Variants in NIBAN1 observed in about 807,000 individuals in gnomAD.
NIBAN1 encodes niban apoptosis regulator 1.
NIBAN1 carries 81 observed loss-of-function variants against 75.1 expected under a neutral mutation model. The ratio of observed to expected loss-of-function variants is 1.08; its 90% CI spans 0.90 to 1.30. The LOEUF is 1.30. Ranked by LOEUF, NIBAN1 falls within the 50% of genes most tolerant of loss-of-function variation. NIBAN1 has a pLI of 0.00. For synonymous variants in NIBAN1, 436 were observed against 424.8 expected (o/e 1.03, Z -0.32); for missense variants, 1,133 against 1,128.1 (o/e 1.00, Z -0.06).
intron 1 of NIBAN1, among the ~76,000 whole-genome samples, chr1:184,925,785 TGTC>T (rs1657666601): frequency 6.6e-6 from 1 of 152,224 alleles, no homozygotes; most frequent in African/African-American, 2.4e-5. Flanking sequence ...CTTATTGTAT[TGTC>T]TATGTGTTGA....
In NIBAN1 at chr1:184,795,487, G is replaced by T. The variant is rs569878628; in HGVS notation, c.2277C>A (p.His759Gln). Residue 759 changes from histidine to glutamine, a missense_variant, in exon 14 of 14, where the codon CAC becomes CAA. Coordinates refer to ENST00000367511, the MANE Select transcript of NIBAN1 (RefSeq NM_052966.4). The stretch of plus-strand genomic sequence containing the variant: ...CTTCACTTTCTTCACAGTTGTCGGG[G>T]TGGATGGCAGCTGCCTGACTGGGCT... ...EKEPSQAAAI[H>Q]PDNCEESEVS... 2 of 1,613,180 alleles carry T rather than the reference G, an allele frequency of 1.2e-6. No homozygotes were observed. Among genetic ancestry groups the T allele is most frequent in the Non-Finnish European group, 1.7e-6 (2 of 1,179,678 alleles).
chr1:184,818,753 T>A lies in NIBAN1; in HGVS notation c.1058A>T (p.Glu353Val), dbSNP rs751603593. 28 of 1,612,892 alleles carry A rather than the reference T, an allele frequency of 1.7e-5. 1 individual carries two copies. In the South Asian group the frequency reaches 3.0e-4, roughly 17 times the overall value. The stretch of plus-strand genomic sequence containing the variant: ...TCCCGAGCTCACTGGTCCCATGAGC[T>A]CCTCCAGGATGGATGCCAGGAATGG... ...VQPFLASILEELMGPVSSGFS... is the reference protein window; with the variant it reads ...VQPFLASILEVLMGPVSSGFS... The change falls in exon 9 of 14, where the codon GAG (glutamate) becomes GTG (valine). Residue 353 changes from glutamate (E) to valine (V), a missense_variant. Transcript: ENST00000367511.
At chr1:184,883,650 A>G (rs961106385) in intron 5 of NIBAN1, among the ~76,000 whole-genome samples, 2 of 152,174 alleles carry the variant, frequency 1.3e-5, no homozygotes, top group Non-Finnish European at 2.9e-5. Flanking sequence ...ACACCACCCC[A>G]AGGGTGGTTC....
At position 184,884,674 on chromosome 1, in the gene NIBAN1, A is replaced by G; in HGVS notation, c.560T>C (p.Phe187Ser). 2.5e-6 allele frequency: 4 copies of G among 1,614,140 alleles called. No individual in the cohort carries two copies. In the South Asian group the frequency reaches 3.3e-5, roughly 13 times the overall value. ...GACGCAGTCACTCAGGAGGGCACTAAACCTCTTCTGGTCAGCAGCCTCGTG... is the reference window on the plus strand; with the variant it reads ...GACGCAGTCACTCAGGAGGGCACTAGACCTCTTCTGGTCAGCAGCCTCGTG... ...CFHEAADQKR[F>S]SALLSDCVRH... is the part of the protein sequence containing the mutation. The change falls in exon 5 of 14, where the codon TTT becomes TCT. Residue 187 changes from phenylalanine to serine, a missense_variant. Physicochemically the swap from Phe to Ser is radical, Grantham distance 155 (BLOSUM62 -2). Coordinates refer to ENST00000367511, the MANE Select transcript of NIBAN1 (RefSeq NM_052966.4).
intron 5 of NIBAN1, among the ~76,000 whole-genome samples, chr1:184,836,852 C>A (rs932704017): frequency 6.6e-6 from 1 of 152,188 alleles, no homozygotes; most frequent in Non-Finnish European, 1.5e-5. Flanking sequence ...ATTGTATTTT[C>A]AGCTAATAAA....
At chr1:184,925,709 A>G in intron 1 of NIBAN1, among the ~76,000 whole-genome samples, 1 of 152,170 alleles carries the variant, frequency 6.6e-6, no homozygotes, top group East Asian at 1.9e-4. Context: ...AAAACTCTAT[A>G]CATTAACTTC....
intron 1 of NIBAN1, among the ~76,000 whole-genome samples, chr1:184,907,115 T>C (rs922133891): frequency 1.3e-4 from 20 of 152,302 alleles, no homozygotes; most frequent in African/African-American, 4.3e-4. Context: ...CCAAACACTG[T>C]TTTTTATACA....
At chr1:184,923,502 C>T (rs1030400805) in intron 1 of NIBAN1, among the ~76,000 whole-genome samples, 3 of 152,110 alleles carry the variant, frequency 2.0e-5, no homozygotes, top group Admixed American at 2.0e-4. Flanking sequence ...TAATGTGATT[C>T]CTCCAGTTTT....
chr1:184,895,309 C>A (rs1656769973), intron 2 of NIBAN1, among the ~76,000 whole-genome samples: 1 of 152,112 alleles, frequency 6.6e-6, no homozygotes, highest in South Asian at 2.1e-4. Context: ...TTTCTTAAAA[C>A]CTGGACCACT....
At chr1:184,893,637 A>G (rs563943875) in intron 3 of NIBAN1, among the ~76,000 whole-genome samples, 4 of 152,334 alleles carry the variant, frequency 2.6e-5, no homozygotes, top group Middle Eastern at 3.4e-3. Context: ...GCCACCTGTC[A>G]TGCACAGGGC....
At chr1:184,823,891 A>AT in intron 6 of NIBAN1, 149 bp from the exon 7 acceptor site, 4 of 593,310 alleles carry the variant, frequency 6.7e-6, no homozygotes, top group Non-Finnish European at 9.0e-6. Context: ...TACAGAGGCC[A>AT]CAGAAATCTC....
At chr1:184,940,415 CT>C (rs138071418) in intron 1 of NIBAN1, among the ~76,000 whole-genome samples, 9,461 of 152,210 alleles carry the variant, frequency 0.062, 323 homozygotes, top group African/African-American at 0.075. Context: ...TAATGTGGAA[CT>C]TTTTGAATTC....
In NIBAN1 at chr1:184,867,983, A is replaced by G. The variant is rs993304215; in HGVS notation, c.601+16650T>C. Reference sequence around the variant, plus strand: ...CTAGGGAAAGGTGGGGAAGGAAAAAACAACAAATGAAGAGAAGTCTCAGTT... The same window carrying G: ...CTAGGGAAAGGTGGGGAAGGAAAAAGCAACAAATGAAGAGAAGTCTCAGTT... On this transcript the variant is annotated intron_variant, in intron 5 of 13. Coordinates refer to ENST00000367511, the MANE Select transcript of NIBAN1 (RefSeq NM_052966.4). 4 of 985,278 alleles carry G rather than the reference A, an allele frequency of 4.1e-6. No homozygotes were observed. The African/African-American group carries it at 7.0e-5, about 17-fold the overall frequency. 61.0% of individuals were successfully genotyped at this position (985,278 alleles called of 1,614,324 possible).
intron 12 of NIBAN1, among the ~76,000 whole-genome samples, chr1:184,802,127 T>G (rs1654062453): frequency 6.6e-6 from 1 of 152,228 alleles, no homozygotes; most frequent in South Asian, 2.1e-4. Context: ...AGGAAGCAGA[T>G]AATCCCCTCA....
intron 9 of NIBAN1, 128 bp from the exon 10 acceptor site, chr1:184,808,363 C>T (rs1654268549): frequency 7.5e-6 from 7 of 939,154 alleles, no homozygotes; most frequent in Non-Finnish European, 1.1e-5. Context: ...ACTTGGATCC[C>T]TACATCTGTG....
chr1:184,826,137 G>A (rs1287732510), intron 6 of NIBAN1, among the ~76,000 whole-genome samples: 2 of 152,194 alleles, frequency 1.3e-5, no homozygotes, highest in South Asian at 2.1e-4. Flanking sequence ...CCTGTGGGTT[G>A]CTGGCAGAGA....
rs941929346 is a variant in NIBAN1 at position 184,795,654 on chromosome 1, T to C, written c.2110A>G (p.Thr704Ala). ...EPAQEEPEPITASGSLKALRK... is the reference protein window; with the variant it reads ...EPAQEEPEPIAASGSLKALRK... ...AGCGCCTTCAAAGAACCCGAGGCAG[T>C]GATGGGTTCTGGCTCTTCCTGGGCG... Residue 704 changes from threonine (T) to alanine (A), a missense_variant, in exon 14 of 14, where the codon ACT becomes GCT. Coordinates refer to ENST00000367511, the MANE Select transcript of NIBAN1 (RefSeq NM_052966.4). 4 of 1,614,006 alleles carry C rather than the reference T, an allele frequency of 2.5e-6. No homozygotes were observed. The African/African-American group carries it at 4.0e-5, about 16-fold the overall frequency.
intron 4 of NIBAN1, among the ~76,000 whole-genome samples, chr1:184,886,602 A>G (rs2101972213): frequency 6.6e-6 from 1 of 152,226 alleles, no homozygotes; most frequent in South Asian, 2.1e-4. Flanking sequence ...ACTCCTTTCC[A>G]TGCATTCCTA....
intron 1 of NIBAN1, among the ~76,000 whole-genome samples, chr1:184,917,305 T>C (rs561216725): frequency 2.8e-4 from 42 of 150,752 alleles, no homozygotes; most frequent in Admixed American, 2.4e-3. Context: ...CCCGGGTTCA[T>C]GCCATTCTGC....
Sources: allele counts gnomAD v4.1 joint callset (sites outside exome capture counted in the v4.1 genomes callset), GRCh38; gene constraint gnomAD v4.1.1; transcripts MANE v1.5; gene names NCBI Gene and HGNC (gene_info 2026-07-23, HGNC 2026-07-21).